The following CTCF variants were observed in gnomAD, a reference collection of about 807,000 sequenced individuals.
CTCF encodes the protein CCCTC-binding factor.
CTCF carries 7 observed loss-of-function variants against 72.3 expected under a neutral mutation model. The observed-to-expected ratio is 0.10, with a 90% CI of 0.06 to 0.18. The LOEUF is 0.18. Among genes scored for constraint, CTCF ranks in the 10% least tolerant of loss-of-function variants. The pLI is 1.00. For synonymous variants in CTCF, 374 were observed against 315.8 expected (o/e 1.18, Z -1.95); for missense variants, 516 against 949.1 (o/e 0.54, Z 6.00).
At chr16:67,586,080 T>G (rs902439277) in intron 2 of CTCF, among the ~76,000 whole-genome samples, 1 of 152,198 alleles carries the variant, frequency 6.6e-6, no homozygotes, top group African/African-American at 2.4e-5. Context: ...GTTGACAAAT[T>G]ACTTGTTTTA....
At chr16:67,610,149 A>T (rs2052040204) in intron 2 of CTCF, among the ~76,000 whole-genome samples, 1 of 152,036 alleles carries the variant, frequency 6.6e-6, no homozygotes, top group Non-Finnish European at 1.5e-5. Context: ...TCTTCTTGTT[A>T]TCTATTTGCA....
intron 2 of CTCF, among the ~76,000 whole-genome samples, chr16:67,600,636 A>G (rs2051874091): frequency 6.6e-6 from 1 of 152,144 alleles, no homozygotes; most frequent in Admixed American, 6.6e-5. Context: ...CAGCCTCCCA[A>G]AGTGCTGGGA....
intron 1 of CTCF, among the ~76,000 whole-genome samples, chr16:67,568,918 A>ATCAT (rs1349311234): frequency 6.7e-6 from 1 of 149,658 alleles, no homozygotes. Flanking sequence ...GCTCACTGAA[A>ATCAT]CCTCTGCTTC....
At chr16:67,574,211 T>G (rs1407545357) in intron 2 of CTCF, among the ~76,000 whole-genome samples, 1 of 152,156 alleles carries the variant, frequency 6.6e-6, no homozygotes, top group Admixed American at 6.5e-5. Context: ...GCCCATTCCT[T>G]CAGAGCTTCT....
intron 2 of CTCF, among the ~76,000 whole-genome samples, chr16:67,599,103 G>A (rs115513794): frequency 2.6e-4 from 39 of 152,222 alleles, no homozygotes; most frequent in African/African-American, 9.1e-4. Context: ...GGCCGGGTGC[G>A]GTGGCTGAAG....
chr16:67,580,078 A>G (rs1482274415), intron 2 of CTCF, among the ~76,000 whole-genome samples: 1 of 152,170 alleles, frequency 6.6e-6, no homozygotes, highest in African/African-American at 2.4e-5. Flanking sequence ...AATGGTGGGT[A>G]ATGGAGCAAG....
intron 2 of CTCF, among the ~76,000 whole-genome samples, chr16:67,590,866 C>T (rs1022081732): frequency 2.0e-5 from 3 of 147,272 alleles, no homozygotes; most frequent in African/African-American, 7.6e-5. Context: ...GAGGCTGAGG[C>T]GGGAGAATCG....
chr16:67,611,282 T>C lies in CTCF; in HGVS notation c.450T>C (p.Ser150=). The change falls in exon 3 of 12, where the codon AGT becomes AGC. Residue 150 remains serine (S), a synonymous_variant. Transcript: ENST00000264010. ...TGTCTAAAGAGGGCCTTGCGGAAAGTGAACCCATGATATGCCACACCCTAC... is the reference window on the plus strand; with the variant it reads ...TGTCTAAAGAGGGCCTTGCGGAAAGCGAACCCATGATATGCCACACCCTAC... ...NEVSKEGLAE[S]EPMICHTLPL... The C allele has an allele frequency of 6.2e-7, 1 of 1,614,070 alleles. No individual in the cohort carries two copies. The highest frequency in any genetic ancestry group is 1.7e-5 in the Admixed American group (1 of 59,996).
chr16:67,563,059 G>C (rs1356962612), intron 1 of CTCF, among the ~76,000 whole-genome samples: 10 of 151,012 alleles, frequency 6.6e-5, no homozygotes, highest in Non-Finnish European at 3.0e-5. Context: ...GTTCTTGGCC[G>C]GCCGATCGCC....
intron 1 of CTCF, among the ~76,000 whole-genome samples, chr16:67,566,889 G>T (rs1471353198): frequency 6.7e-6 from 1 of 149,410 alleles, no homozygotes; most frequent in Non-Finnish European, 1.5e-5. Flanking sequence ...TTGTTTGTTT[G>T]TTTTAAGACA....
intron 2 of CTCF, among the ~76,000 whole-genome samples, chr16:67,608,018 C>CAGAAAAAAA (rs2052000462): frequency 9.4e-6 from 1 of 105,830 alleles, no homozygotes; most frequent in African/African-American, 4.1e-5. Flanking sequence ...GACTCCGACT[C>CAGAAAAAAA]AAAAAAAAAA....
chr16:67,566,349 C>G (rs2051342669), intron 1 of CTCF, among the ~76,000 whole-genome samples: 1 of 151,118 alleles, frequency 6.6e-6, no homozygotes, highest in Non-Finnish European at 1.5e-5. Context: ...ACCAAAAACA[C>G]AAAAATTAGC....
chr16:67,603,094 T>C (rs2051918706), intron 2 of CTCF, among the ~76,000 whole-genome samples: 1 of 151,900 alleles, frequency 6.6e-6, no homozygotes, highest in South Asian at 2.1e-4. Flanking sequence ...TAAGGTATGC[T>C]GTAAATGTAA....
chr16:67,611,528 G>A lies in CTCF; in HGVS notation c.696G>A (p.Gln232=), dbSNP rs2142826698. 6.2e-7 allele frequency: 1 copy of A among 1,614,196 alleles called. No homozygotes were observed. The highest frequency in any genetic ancestry group is 8.5e-7 in the Non-Finnish European group (1 of 1,180,010). The change falls in exon 3 of 12, where the codon CAG becomes CAA. Residue 232 remains glutamine, a synonymous_variant. Coordinates refer to ENST00000264010, the MANE Select transcript of CTCF (RefSeq NM_006565.4). Reference sequence around the variant, plus strand: ...CTGTCTACGATTTTGAGGAAGAACAGCAGGAGGGTCTGCTATCAGAGGTTA... The same window carrying A: ...CTGTCTACGATTTTGAGGAAGAACAACAGGAGGGTCTGCTATCAGAGGTTA... The part of the protein sequence containing the change: ...DVSVYDFEEE[Q]QEGLLSEVNA...
intron 2 of CTCF, among the ~76,000 whole-genome samples, chr16:67,575,591 C>T (rs772114813): frequency 2.6e-5 from 4 of 152,002 alleles, no homozygotes; most frequent in Admixed American, 2.0e-4. Context: ...ACTACAGGTG[C>T]GCCACCATGT....
chr16:67,611,834 C>G, intron 3 of CTCF, 117 bp from the exon 4 acceptor site: 1 of 1,004,412 alleles, frequency 1.0e-6, no homozygotes, highest in Non-Finnish European at 1.5e-6. Context: ...ATAATTATGA[C>G]TTATATTGGG....
At chr16:67,629,221 C>T (rs762952297) in intron 9 of CTCF, among the ~76,000 whole-genome samples, 177 bp from the exon 10 acceptor site, 6 of 152,086 alleles carry the variant, frequency 3.9e-5, no homozygotes, top group Non-Finnish European at 8.8e-5. Flanking sequence ...GCTGCTGAGC[C>T]TCCCCTTAGA....
At chr16:67,621,196 G>A (rs2052194862) in intron 6 of CTCF, 2 of 413,212 alleles carry the variant, frequency 4.8e-6, no homozygotes, top group Non-Finnish European at 8.7e-6. Context: ...CTCCCCCAAA[G>A]GTAAGCATTG....
At chr16:67,593,094 CT>C (rs201040803) in intron 2 of CTCF, among the ~76,000 whole-genome samples, 1 of 148,330 alleles carries the variant, frequency 6.7e-6, no homozygotes, top group Non-Finnish European at 1.5e-5. Context: ...ATTTGTATAT[CT>C]TTTTTATATT....
Sources: gnomAD v4.1 joint callset for allele counts (sites outside exome capture counted in the v4.1 genomes callset) on GRCh38, gnomAD v4.1.1 for gene constraint, MANE v1.5 for transcripts, NCBI Gene and HGNC (gene_info 2026-07-23, HGNC 2026-07-21) for gene names.